Variants in ADGRB2 observed in about 807,000 individuals in gnomAD.
ADGRB2 encodes brain-specific angiogenesis inhibitor 2.
ADGRB2 carries 47 observed loss-of-function variants against 178.7 expected under a neutral mutation model. That is an observed-to-expected ratio of 0.26 (90% CI 0.21 to 0.34). The LOEUF (loss-of-function observed/expected upper bound fraction) is 0.34, where lower values mean the gene tolerates loss of function less well. ADGRB2 is among the 10% of genes least tolerant of loss of function. ADGRB2 has a pLI of 1.00. For missense variants in ADGRB2, 1,584 were observed against 2,180.8 expected, an observed-to-expected ratio of 0.73 and a Z score of 5.45; for synonymous variants, 870 against 912.4, an observed-to-expected ratio of 0.95 and a Z score of 0.84.
At position 31,727,314 on chromosome 1, in the gene ADGRB2, C is replaced by T; in HGVS notation, c.*106G>A. On this transcript the variant is annotated 3_prime_UTR_variant, in exon 33 of 33. Transcript: ENST00000373658. The surrounding 1 kb of genome is among the most constrained non-coding windows in gnomAD (Gnocchi z 4.4). ...GAGTCCACGGCGCCTCCCTGCCCAGCCCTCGGGAGAGGGGAGAGGGCGCTG... is the reference window on the plus strand; with the variant it reads ...GAGTCCACGGCGCCTCCCTGCCCAGTCCTCGGGAGAGGGGAGAGGGCGCTG... The T allele has an allele frequency of 2.2e-6, 3 of 1,375,934 alleles. No individual in the cohort carries two copies. The highest frequency in any genetic ancestry group is 2.9e-6 in the Non-Finnish European group (3 of 1,048,866). 85.2% of individuals were successfully genotyped at this position (1,375,934 alleles called of 1,614,324 possible).
At chr1:31,752,351 C>A (rs1030791325) in intron 4 of ADGRB2, among the ~76,000 whole-genome samples, 11 of 152,210 alleles carry the variant, frequency 7.2e-5, no homozygotes, top group Non-Finnish European at 1.5e-4. Context: ...CAGATCTGGG[C>A]TGGAAGGACC....
Position 31,735,954 on chromosome 1 carries a change from A to T in ADGRB2, c.3201-61T>A. On this transcript the variant is annotated intron_variant, in intron 22 of 32. Transcript: ENST00000373658. The surrounding 1 kb of genome is among the most constrained non-coding windows in gnomAD (Gnocchi z 6.0). ...GCAGCCTCCCTCCCCACCCTCAAAC[A>T]CCATCCCTCAGTCCTCCCAGGCTGC... is the stretch of plus-strand genomic sequence containing the variant. 1 of 1,478,088 alleles carries T rather than the reference A, an allele frequency of 6.8e-7. No homozygotes were observed. Among genetic ancestry groups the T allele is most frequent in the Non-Finnish European group, 9.2e-7 (1 of 1,091,944 alleles). 91.6% of individuals were successfully genotyped at this position (1,478,088 alleles called of 1,614,324 possible).
chr1:31,730,934 G>A lies in ADGRB2; in HGVS notation c.4246C>T (p.Gln1416Ter). Residue 1416 changes from glutamine to a stop codon, truncating the protein, a stop_gained, in exon 29 of 33, where the codon CAG becomes TAG. Transcript: ENST00000373658. LOFTEE classifies it high-confidence loss of function. The part of the protein sequence containing the change: ...LGLGPAYGSL[Q>*]NPYGMTFQPP... The stretch of plus-strand genomic sequence containing the variant: ...TGGAAGGTCATTCCATAGGGATTCT[G>A]GAGAGATCCATAGGCAGGGCCCAGC... 1.3e-6 allele frequency: 2 copies of A among 1,577,812 alleles called. No individual in the cohort carries two copies. Among genetic ancestry groups the A allele is most frequent in the Non-Finnish European group, 1.7e-6 (2 of 1,160,846 alleles).
chr1:31,737,284 A>T, intron 20 of ADGRB2, 145 bp downstream of exon 20: 1 of 769,248 alleles, frequency 1.3e-6, no homozygotes, highest in Non-Finnish European at 2.2e-6. Context: ...GGTCTCACAC[A>T]CTATTTCATA....
intron 4 of ADGRB2, among the ~76,000 whole-genome samples, chr1:31,750,568 A>G (rs950120635): frequency 1.4e-4 from 21 of 152,250 alleles, no homozygotes; most frequent in Admixed American, 1.2e-3. Flanking sequence ...AACCACAATA[A>G]TCATCACTTC....
rs1268690847 is a variant in ADGRB2 at position 31,759,071 on chromosome 1, C to T, written c.-190-1560G>A. 2.0e-5 allele frequency among the ~76,000 whole-genome samples: 3 copies of T among 152,210 alleles called. No individual in the cohort carries two copies. Among genetic ancestry groups the T allele is most frequent in the African/African-American group, 4.8e-5 (2 of 41,450 alleles). The stretch of plus-strand genomic sequence containing the variant: ...AGCTCAGGGAACCTCCCCTCACATA[C>T]ACACCAACACACATGGGTTTGAACA... On this transcript the variant is annotated intron_variant, in intron 1 of 32. Transcript: ENST00000373658. The surrounding 1 kb of genome is among the most constrained non-coding windows in gnomAD (Gnocchi z 4.3).
chr1:31,757,955 G>C (rs1411280006), intron 1 of ADGRB2, among the ~76,000 whole-genome samples: 4 of 152,154 alleles, frequency 2.6e-5, no homozygotes, highest in African/African-American at 4.8e-5. Context: ...CAGACACACA[G>C]AGCAGTCAGG....
chr1:31,729,516 G>A (rs938702109), intron 29 of ADGRB2, among the ~76,000 whole-genome samples: 4 of 152,114 alleles, frequency 2.6e-5, no homozygotes, highest in African/African-American at 9.7e-5. Flanking sequence ...CCACACACAC[G>A]TGTATCCTCC....
chr1:31,759,331 G>GT lies in ADGRB2; in HGVS notation c.-190-1821_-190-1820insA, dbSNP rs746080593. ...CGACTGAGAACACACATGAGTATCT[G>GT]GCCCTCTGAGGCTCAGCATATGACA... On this transcript the variant is annotated intron_variant, in intron 1 of 32. Coordinates refer to ENST00000373658, the MANE Select transcript of ADGRB2 (RefSeq NM_001364857.2). This position sits in a 1 kb window ranked among gnomAD's most constrained non-coding sequence, Gnocchi z 4.3. 10 of 779,572 alleles carry GT rather than the reference G, an allele frequency of 1.3e-5. No homozygotes were observed. In the Admixed American group the frequency reaches 1.7e-4, roughly 13 times the overall value. 48.3% of individuals were successfully genotyped at this position (779,572 alleles called of 1,614,324 possible). A position where few individuals can be genotyped will look rare whatever the true frequency, so the allele number is the denominator to read the frequency against.
chr1:31,731,281 C>T lies in ADGRB2; in HGVS notation c.3899G>A (p.Gly1300Glu), dbSNP rs550354944. Residue 1300 changes from glycine to glutamate, a missense_variant, in exon 29 of 33, where the codon GGG becomes GAG. Transcript: ENST00000373658. ...GGCTGCCATGGGCACCAGGATATTC[C>T]CAGGCAGTGGTGAGAAGCTGAGGCT... is the stretch of plus-strand genomic sequence containing the variant. ...EGSLSFSPLP[G>E]NILVPMAASP... 1.2e-6 allele frequency: 2 copies of T among 1,611,520 alleles called. No homozygotes were observed. The highest frequency in any genetic ancestry group is 4.5e-5 in the East Asian group (2 of 44,808).
rs146525691 is a variant in ADGRB2 at position 31,735,582 on chromosome 1, G to A, written c.3351C>T (p.Ala1117=). The stretch of plus-strand genomic sequence containing the variant: ...AGTCTCAGAGGCCCCCCCCTTACCC[G>A]GCCCTCTGCTTCTTGGATTTGTCGG... ...GISDKSKKQR[A]GSERCPWASL... The change falls in exon 24 of 33, where the codon GCC becomes GCT. Residue 1117 remains alanine (A), a splice_region_variant and synonymous_variant. Transcript: ENST00000373658. This position sits in a 1 kb window ranked among gnomAD's most constrained non-coding sequence, Gnocchi z 6.0. 319 of 1,613,676 alleles carry A rather than the reference G, an allele frequency of 2.0e-4. No individual in the cohort carries two copies. In the East Asian group the frequency reaches 6.5e-3, roughly 33 times the overall value.
intron 25 of ADGRB2, among the ~76,000 whole-genome samples, 191 bp downstream of exon 25, chr1:31,734,990 GCA>G (rs973315532): frequency 6.6e-6 from 1 of 152,188 alleles, no homozygotes; most frequent in Non-Finnish European, 1.5e-5. Context: ...CCTGTGGGAG[GCA>G]CAGACATCCA....
intron 22 of ADGRB2, 37 bp downstream of exon 22, chr1:31,736,284 A>G (rs1569827344): frequency 1.2e-6 from 2 of 1,608,476 alleles, no homozygotes; most frequent in Admixed American, 3.4e-5. Context: ...TAACAGATCC[A>G]CTACCCGCTA....
Position 31,733,151 on chromosome 1 carries a change from G to T in ADGRB2, c.3453-8C>A. On this transcript the variant is annotated splice_region_variant and splice_polypyrimidine_tract_variant and intron_variant, in intron 25 of 32. Transcript: ENST00000373658. This position sits in a 1 kb window ranked among gnomAD's most constrained non-coding sequence, Gnocchi z 4.3. ...GAGCTCCAGAGTGAGGCCCTGAGGG[G>T]ACAGTGGCAGAGCCCATCAGAGTGA... 1 of 1,569,278 alleles carries T rather than the reference G, an allele frequency of 6.4e-7. No homozygotes were observed.
At position 31,735,656 on chromosome 1, in the gene ADGRB2, G is replaced by A; in HGVS notation, c.3277C>T (p.Leu1093Phe). The change falls in exon 24 of 33, where the codon CTC becomes TTC. Residue 1093 changes from leucine to phenylalanine, a missense_variant. By Grantham distance (22) the Leu-to-Phe change is conservative. Around this residue, in one of 3 missense-constraint regions of ADGRB2, gnomAD observed 865 missense variants for 1,192.8 expected, o/e 0.73. Transcript: ENST00000373658. This position sits in a 1 kb window ranked among gnomAD's most constrained non-coding sequence, Gnocchi z 6.0. ...PAAVIVLVNM[L>F]IGIIVFNKLM... ...TTGTTGAAGACGATGATTCCGATGA[G>A]CATGTTCACCTGGGGGCCCAGTAGA... The A allele has an allele frequency of 6.2e-7, 1 of 1,600,132 alleles. No homozygotes were observed. Among genetic ancestry groups the A allele is most frequent in the Non-Finnish European group, 8.5e-7 (1 of 1,170,230 alleles).
Position 31,741,990 on chromosome 1 carries a change from G to A in ADGRB2, c.1418-23C>T, listed in dbSNP as rs765310323. 1 of 1,584,976 alleles carries A rather than the reference G, an allele frequency of 6.3e-7. No individual in the cohort carries two copies. Among genetic ancestry groups the A allele is most frequent in the Non-Finnish European group, 8.6e-7 (1 of 1,161,288 alleles). ...TGGCTGTGGGAGAGGTGAGGCATAT[G>A]AGTGGGCCCAGGTACCCCCATGGTC... On this transcript the variant is annotated intron_variant, in intron 8 of 32. Coordinates refer to ENST00000373658, the MANE Select transcript of ADGRB2 (RefSeq NM_001364857.2). The surrounding 1 kb of genome is among the most constrained non-coding windows in gnomAD (Gnocchi z 6.5).
At chr1:31,752,148 GTGGGC>G (rs1646608282) in intron 4 of ADGRB2, among the ~76,000 whole-genome samples, 1 of 152,102 alleles carries the variant, frequency 6.6e-6, no homozygotes, top group Non-Finnish European at 1.5e-5. Flanking sequence ...TCCCCCACCG[GTGGGC>G]AGACAGTGTG....
chr1:31,744,509 C>T lies in ADGRB2; in HGVS notation c.922+139G>A. 7.0e-7 allele frequency: 1 copy of T among 1,433,994 alleles called. No homozygotes were observed. Among genetic ancestry groups the T allele is most frequent in the Non-Finnish European group, 9.5e-7 (1 of 1,050,370 alleles). 88.8% of individuals were successfully genotyped at this position (1,433,994 alleles called of 1,614,324 possible). ...ACAGGCTCTTCAGGAGGCCACCCAG[C>T]CCTTCCCACAAGCTTCATGTGGCAC... is the stretch of plus-strand genomic sequence containing the variant. On this transcript the variant is annotated intron_variant, in intron 5 of 32. Coordinates refer to ENST00000373658, the MANE Select transcript of ADGRB2 (RefSeq NM_001364857.2). This position sits in a 1 kb window ranked among gnomAD's most constrained non-coding sequence, Gnocchi z 6.7.
In ADGRB2 at chr1:31,759,585, C is replaced by T. The variant is rs938368206; in HGVS notation, c.-190-2074G>A. Among the ~76,000 whole-genome samples the T allele has an allele frequency of 1.3e-5, 2 of 152,246 alleles. No homozygotes were observed. The highest frequency in any genetic ancestry group is 4.8e-5 in the African/African-American group (2 of 41,458). ...CCTCAGTCTCCTTCAGACACCTTCA[C>T]GCTCATTCTGGGATTTCGTCCTGGA... On this transcript the variant is annotated intron_variant, in intron 1 of 32. Transcript: ENST00000373658. This position sits in a 1 kb window ranked among gnomAD's most constrained non-coding sequence, Gnocchi z 4.3.
Sources: allele counts gnomAD v4.1 joint callset (sites outside exome capture counted in the v4.1 genomes callset), GRCh38; gene constraint gnomAD v4.1.1; regional missense constraint gnomAD v4.1.1; non-coding constraint Gnocchi (gnomAD v3.1); transcripts MANE v1.5; gene names NCBI Gene and HGNC (gene_info 2026-07-23, HGNC 2026-07-21).